The following TBX1 variants were observed in gnomAD, a reference collection of about 807,000 sequenced individuals.
TBX1 encodes the protein T-box transcription factor 1, also known as T-box transcription factor TBX1.
Under a neutral mutation model 40.8 loss-of-function variants are expected in TBX1, and 16 were observed. That is an observed-to-expected ratio of 0.39 (90% CI 0.27 to 0.60). The LOEUF is 0.60. Among genes scored for constraint, TBX1 ranks in the 20% least tolerant of loss-of-function variants. The pLI is 0.51. For synonymous variants in TBX1, 403 were observed against 336.8 expected, an observed-to-expected ratio of 1.20 and a Z score of -2.15; for missense variants, 755 against 728.5, an observed-to-expected ratio of 1.04 and a Z score of -0.42.
Position 19,761,167 on chromosome 22 carries a change from G to T in TBX1, c.324G>T (p.Ala108=), listed in dbSNP as rs72646953. Reference sequence around the variant, plus strand: ...CCAGCTGCGCGGCCGCAGCCAAGGCGCCGGTGAAGAAGAACGCGAAGGTGG... The same window carrying T: ...CCAGCTGCGCGGCCGCAGCCAAGGCTCCGGTGAAGAAGAACGCGAAGGTGG... ...PGASCAAAAK[A]PVKKNAKVAG... is the part of the protein sequence containing the mutation. Residue 108 remains alanine (A), a synonymous_variant, in exon 1 of 7, where the codon GCG becomes GCT. Transcript: ENST00000649276. 1.3e-6 allele frequency: 2 copies of T among 1,520,302 alleles called. No individual in the cohort carries two copies. The highest frequency in any genetic ancestry group is 2.9e-5 in the African/African-American group (2 of 69,220). 94.2% of individuals were successfully genotyped at this position (1,520,302 alleles called of 1,614,324 possible).
downstream of TBX1, among the ~76,000 whole-genome samples, chr22:19,770,659 C>T (rs1442209288): frequency 6.6e-6 from 1 of 152,330 alleles, no homozygotes; most frequent in South Asian, 2.1e-4. Flanking sequence ...CACCCTCCAG[C>T]TGGGGAAGTC....
downstream of TBX1, chr22:19,779,686 A>T (rs918067137): frequency 5.4e-5 from 38 of 699,066 alleles, no homozygotes; most frequent in Non-Finnish European, 7.5e-5. Flanking sequence ...CTACAAGCTT[A>T]ACATATCTGA....
Position 19,766,726 on chromosome 22 carries a change from C to A in TBX1, c.1374C>A (p.His458Gln). 2 of 1,541,888 alleles carry A rather than the reference C, an allele frequency of 1.3e-6. No individual in the cohort carries two copies. Among genetic ancestry groups the A allele is most frequent in the South Asian group, 1.2e-5 (1 of 85,504 alleles). Residue 458 changes from histidine to glutamine, a missense_variant, in exon 7 of 7, where the codon CAC becomes CAA. By Grantham distance (24) the His-to-Gln change is conservative. Transcript: ENST00000649276. ...PGLRGHGYHP[H>Q]AHPHHHHHPV... ...TGCGTGGCCACGGCTACCACCCGCA[C>A]GCGCATCCGCACCACCACCACCACC...
At chr22:19,768,016 T>TGGTTAA (rs1450629030), downstream of TBX1, among the ~76,000 whole-genome samples, 4 of 152,264 alleles carry the variant, frequency 2.6e-5, no homozygotes, top group Non-Finnish European at 5.9e-5. Context: ...CCAGGCCAGG[T>TGGTTAA]GGCTAAGGGA....
At chr22:19,759,207 C>T (rs995968928), upstream of TBX1, among the ~76,000 whole-genome samples, 2 of 152,208 alleles carry the variant, frequency 1.3e-5, no homozygotes, top group African/African-American at 4.8e-5. Context: ...ACGGGATGTT[C>T]AAGGGGCGTT....
intron 6 of TBX1, 39 bp from the exon 7 acceptor site, chr22:19,766,349 GC>G (rs1225982310): frequency 4.8e-6 from 6 of 1,251,018 alleles, no homozygotes; most frequent in South Asian, 5.2e-5. Context: ...CTCCTCGGCG[GC>G]CCCGGCCGGC....
At chr22:19,773,086 A>T (rs930858021) in intron 8 of TBX1, among the ~76,000 whole-genome samples, 1 of 152,252 alleles carries the variant, frequency 6.6e-6, no homozygotes, top group African/African-American at 2.4e-5. Flanking sequence ...CCACGGATTC[A>T]GAGCTTACGA....
rs1342909197 is a variant in TBX1 at position 19,765,186 on chromosome 22, T to G, written c.867+73T>G. 2.5e-6 allele frequency: 4 copies of G among 1,606,190 alleles called. No homozygotes were observed. In the Admixed American group the frequency reaches 6.7e-5, roughly 27 times the overall value. On this transcript the variant is annotated intron_variant, in intron 4 of 6. Transcript: ENST00000649276. ...AGCGGGTGTAATTTTCAGTTGCCGT[T>G]TGGGGACAGTGGGTCCGCTTAGACC...
chr22:19,765,160 A>C, intron 4 of TBX1, 47 bp downstream of exon 4: 1 of 1,613,450 alleles, frequency 6.2e-7, no homozygotes, highest in South Asian at 1.1e-5. Context: ...GCCTCTGGAA[A>C]AGCGGGTGTA....
chr22:19,780,450 C>G (rs770442005), downstream of TBX1, among the ~76,000 whole-genome samples: 17 of 152,210 alleles, frequency 1.1e-4, no homozygotes, highest in Non-Finnish European at 2.1e-4. Flanking sequence ...TCGGAACTCC[C>G]TGCCTTTATA....
rs1176295631 is a variant in TBX1 at position 19,767,158 on chromosome 22, A to T, written c.*291A>T. The T allele has an allele frequency of 8.2e-7, 1 of 1,215,170 alleles. No individual in the cohort carries two copies. The highest frequency in any genetic ancestry group is 1.0e-6 in the Non-Finnish European group (1 of 975,332). 75.3% of individuals were successfully genotyped at this position (1,215,170 alleles called of 1,614,324 possible). Reference sequence around the variant, plus strand: ...TGCCAAAGCGCCCGGTCGGAGGCGGAAGGAAGTGATATTTATTGTTCTCCC... The same window carrying T: ...TGCCAAAGCGCCCGGTCGGAGGCGGTAGGAAGTGATATTTATTGTTCTCCC... On this transcript the variant is annotated 3_prime_UTR_variant, in exon 7 of 7. Transcript: ENST00000649276.
rs989667101 is a variant in TBX1, at chr22:19,765,059, C to T, written c.813C>T (p.Thr271=). 1 of 1,614,216 alleles carries T rather than the reference C, an allele frequency of 6.2e-7. No homozygotes were observed. Among genetic ancestry groups the T allele is most frequent in the Non-Finnish European group, 8.5e-7 (1 of 1,180,050 alleles). The change falls in exon 4 of 7, where the codon ACC becomes ACT. Residue 271 remains threonine, a synonymous_variant. Transcript: ENST00000649276. ...SEKYAEENFK[T]FVFEETRFTA... ...AATATGCCGAGGAGAACTTCAAAACCTTTGTGTTCGAGGAGACACGATTCA... is the reference window on the plus strand; with the variant it reads ...AATATGCCGAGGAGAACTTCAAAACTTTTGTGTTCGAGGAGACACGATTCA...
rs1228904807 is a variant in TBX1, at chr22:19,766,675, G to A, written c.1323G>A (p.Arg441=). The A allele has an allele frequency of 7.1e-6, 11 of 1,549,682 alleles. No individual in the cohort carries two copies. The highest frequency in any genetic ancestry group is 1.4e-5 in the African/African-American group (1 of 70,806). ...AYDHYLGAKS[R]PAPYPLPGLR... is the part of the protein sequence containing the mutation. ...ACCACTATCTCGGGGCCAAGAGCCG[G>A]CCGGCGCCCTACCCGCTGCCCGGCC... Residue 441 remains arginine (R), a synonymous_variant, in exon 7 of 7, where the codon CGG becomes CGA. Transcript: ENST00000649276.
chr22:19,763,435 AC>A, intron 2 of TBX1, 93 bp downstream of exon 2: 1 of 1,176,060 alleles, frequency 8.5e-7, no homozygotes, highest in Non-Finnish European at 1.3e-6. Flanking sequence ...GGTCGTCTGC[AC>A]CATGAAACTC....
chr22:19,773,502 T>C (rs2238779), intron 8 of TBX1, among the ~76,000 whole-genome samples: 24,439 of 152,160 alleles, frequency 0.16, 2,448 homozygotes, highest in South Asian at 0.33. Context: ...AGCTTGGCTG[T>C]GTGGGCTTCC....
At chr22:19,765,161 A>T in intron 4 of TBX1, 48 bp downstream of exon 4, 1 of 1,613,438 alleles carries the variant, frequency 6.2e-7, no homozygotes, top group Non-Finnish European at 8.5e-7. Flanking sequence ...CCTCTGGAAA[A>T]GCGGGTGTAA....
At chr22:19,768,726 C>T (rs1041780026), downstream of TBX1, among the ~76,000 whole-genome samples, 3 of 152,152 alleles carry the variant, frequency 2.0e-5, no homozygotes, top group African/African-American at 7.2e-5. Flanking sequence ...CCATTCGAGA[C>T]CTCCGCCTTG....
chr22:19,768,953 C>CT (rs36085623), downstream of TBX1, among the ~76,000 whole-genome samples: 1,132 of 66,086 alleles, frequency 0.017, 58 homozygotes, highest in Non-Finnish European at 0.02. Flanking sequence ...TGTTCGCATT[C>CT]TTTTTTTTTT....
At position 19,766,065 on chromosome 22, in the gene TBX1, C is replaced by T; in HGVS notation, c.1036+63C>T. ...TGCGCGCTCTACCCCGGGCCGGCGG[C>T]CTCGCCCGACCTCGCCTGCGCCCCC... On this transcript the variant is annotated intron_variant, in intron 6 of 6. Transcript: ENST00000649276. 3 of 1,292,096 alleles carry T rather than the reference C, an allele frequency of 2.3e-6. No individual in the cohort carries two copies. The South Asian group carries it at 5.2e-5, about 22-fold the overall frequency. 80.0% of individuals were successfully genotyped at this position (1,292,096 alleles called of 1,614,324 possible). A position where few individuals can be genotyped will look rare whatever the true frequency, so the allele number is the denominator to read the frequency against.
Sources: gnomAD v4.1 joint callset for allele counts (sites outside exome capture counted in the v4.1 genomes callset) on GRCh38, gnomAD v4.1.1 for gene constraint, MANE v1.5 for transcripts, NCBI Gene and HGNC (gene_info 2026-07-23, HGNC 2026-07-21) for gene names.